PSD2: variants seen among roughly 807,000 people sequenced by gnomAD.
The protein encoded by PSD2 is pleckstrin and Sec7 domain containing 2, also known as PH and SEC7 domain-containing protein 2.
Under a neutral mutation model 69.8 loss-of-function variants are expected in PSD2, and 38 were observed. That is an observed-to-expected ratio of 0.54 (90% CI 0.42 to 0.71). PSD2 has a LOEUF of 0.71. PSD2 is among the 30% of genes least tolerant of loss of function. The pLI, the probability that PSD2 is intolerant of heterozygous loss-of-function variation, is 0.00. For missense variants in PSD2, 943 were observed against 1,014.5 expected (o/e 0.93, Z 0.96); for synonymous variants, 412 against 423.0 (o/e 0.97, Z 0.32).
In PSD2 at chr5:139,842,450, G is replaced by T. The variant is rs1406585243; in HGVS notation, c.2292G>T (p.Lys764Asn). The T allele has an allele frequency of 6.2e-7, 1 of 1,614,136 alleles. No individual in the cohort carries two copies. The highest frequency in any genetic ancestry group is 1.7e-5 in the Admixed American group (1 of 60,036). ...QGHVTGSKTTKDATGPDT is the reference protein window; with the variant it reads ...QGHVTGSKTTNDATGPDT ...ATGTGACTGGCAGCAAAACCACAAA[G>T]GATGCCACTGGGCCTGATACTTAGC... is the stretch of plus-strand genomic sequence containing the variant. Residue 764 changes from lysine to asparagine, a missense_variant, in exon 15 of 15, where the codon AAG (lysine) becomes AAT (asparagine). Transcript: ENST00000274710.
chr5:139,823,972 G>C (rs1215125119), intron 7 of PSD2, among the ~76,000 whole-genome samples: 2 of 152,196 alleles, frequency 1.3e-5, no homozygotes, highest in Admixed American at 6.5e-5. Context: ...GACAGCTTTT[G>C]CCAAGTCCAC....
chr5:139,762,312 G>A, the PSD2 span, among the ~76,000 whole-genome samples: 2 of 151,216 alleles, frequency 1.3e-5, no homozygotes, highest in African/African-American at 4.9e-5. Flanking sequence ...CGAAGTGTTG[G>A]GATTACAGGC....
At chr5:139,771,946 G>A in the PSD2 span, among the ~76,000 whole-genome samples, 1 of 152,166 alleles carries the variant, frequency 6.6e-6, no homozygotes, top group Non-Finnish European at 1.5e-5. Flanking sequence ...CGGTGTTGCG[G>A]GACTGGAGAT....
chr5:139,762,056 T>C, the PSD2 span, among the ~76,000 whole-genome samples: 846 of 152,352 alleles, frequency 5.6e-3, 6 homozygotes, highest in African/African-American at 0.019. Context: ...TATTTATCTT[T>C]TTTTTGAGAC....
chr5:139,788,168 G>GC, the PSD2 span, among the ~76,000 whole-genome samples: 2 of 127,118 alleles, frequency 1.6e-5, no homozygotes, highest in African/African-American at 2.9e-5. Context: ...CGGAGAGCCC[G>GC]CCCCCCCCGC....
intron 8 of PSD2, 26 bp from the exon 9 acceptor site, chr5:139,835,697 C>T (rs1364236172): frequency 2.5e-6 from 4 of 1,612,838 alleles, no homozygotes; most frequent in South Asian, 1.1e-5. Context: ...ACCTGAATTC[C>T]CCCCTCTCTC....
intron 7 of PSD2, among the ~76,000 whole-genome samples, chr5:139,833,282 G>A (rs1170526877): frequency 1.3e-5 from 2 of 151,998 alleles, no homozygotes; most frequent in African/African-American, 4.8e-5. Context: ...TGTGATCGTG[G>A]GCATGTCACT....
the PSD2 span, among the ~76,000 whole-genome samples, chr5:139,781,327 CAT>C: frequency 6.6e-6 from 1 of 151,876 alleles, no homozygotes. Context: ...GCATTCATCA[CAT>C]ATCTCTCTCT....
chr5:139,801,775 C>T (rs901312692), intron 1 of PSD2, among the ~76,000 whole-genome samples: 1 of 152,228 alleles, frequency 6.6e-6, no homozygotes, highest in Admixed American at 6.5e-5. Flanking sequence ...TCAACTTGCC[C>T]TGATCTTCCT....
At chr5:139,769,835 C>A in the PSD2 span, among the ~76,000 whole-genome samples, 2 of 152,214 alleles carry the variant, frequency 1.3e-5, no homozygotes, top group Non-Finnish European at 2.9e-5. Context: ...ATCTGGCTTG[C>A]GGTGAGGGTG....
intron 8 of PSD2, among the ~76,000 whole-genome samples, chr5:139,834,581 G>A (rs549459631): frequency 1.3e-5 from 2 of 151,792 alleles, no homozygotes; most frequent in African/African-American, 4.8e-5. Flanking sequence ...AATTACAGGC[G>A]TAAGCCACCA....
chr5:139,812,994 G>A (rs929761283), intron 2 of PSD2, among the ~76,000 whole-genome samples: 1 of 152,194 alleles, frequency 6.6e-6, no homozygotes, highest in African/African-American at 2.4e-5. Flanking sequence ...GCCTAGGGCA[G>A]CCCCATAGCT....
intron 2 of PSD2, among the ~76,000 whole-genome samples, chr5:139,813,102 AG>A (rs1760013364): frequency 6.6e-6 from 1 of 152,200 alleles, no homozygotes; most frequent in Non-Finnish European, 1.5e-5. Flanking sequence ...CCCCGGCCCC[AG>A]GTCTGCTCTT....
In PSD2 at chr5:139,822,731, A is replaced by T; in HGVS notation, c.1216A>T (p.Ile406Phe). 6.2e-7 allele frequency: 1 copy of T among 1,610,442 alleles called. No homozygotes were observed. Among genetic ancestry groups the T allele is most frequent in the African/African-American group, 1.3e-5 (1 of 74,848 alleles). Residue 406 changes from isoleucine (I) to phenylalanine (F), a missense_variant, in exon 7 of 15, where the codon ATC (isoleucine) becomes TTC (phenylalanine). Physicochemically the swap from Ile to Phe is conservative, Grantham distance 21 (BLOSUM62 0). Transcript: ENST00000274710. ...TGCCACCATCTCTGACTCAGATGGG[A>T]TCCACACGCTCACCTGTGCCCTGAT... Reference protein sequence around the residue: ...NPDDSTSEDGIHTLTCALMLL... With the variant: ...NPDDSTSEDGFHTLTCALMLL...
chr5:139,835,633 C>A, intron 8 of PSD2, 90 bp from the exon 9 acceptor site: 2 of 1,331,182 alleles, frequency 1.5e-6, no homozygotes, highest in Non-Finnish European at 2.2e-6. Context: ...TGAAAAGGTG[C>A]TCCCTCACTG....
intron 7 of PSD2, among the ~76,000 whole-genome samples, chr5:139,825,485 C>T (rs991671625): frequency 6.6e-6 from 1 of 152,114 alleles, no homozygotes. Flanking sequence ...AGAACTGTTT[C>T]CATAGTGGTG....
intron 7 of PSD2, among the ~76,000 whole-genome samples, chr5:139,831,432 TTTCTC>T (rs1212066337): frequency 5.3e-5 from 8 of 152,348 alleles, no homozygotes; most frequent in Admixed American, 5.2e-4. Flanking sequence ...AAGTGACTGT[TTTCTC>T]TTTGACTCCT....
chr5:139,836,564 C>A (rs1487907820), intron 9 of PSD2, among the ~76,000 whole-genome samples: 2 of 152,152 alleles, frequency 1.3e-5, no homozygotes, highest in Non-Finnish European at 2.9e-5. Flanking sequence ...TCAAGGGTGA[C>A]AATTTGGGCT....
intron 14 of PSD2, 62 bp from the exon 15 acceptor site, chr5:139,842,209 A>G (rs1581744623): frequency 7.3e-7 from 1 of 1,373,200 alleles, no homozygotes; most frequent in East Asian, 2.3e-5. Flanking sequence ...TTTGTCATAT[A>G]AGGTGCACAT....
Sources: allele counts gnomAD v4.1 joint callset (sites outside exome capture counted in the v4.1 genomes callset), GRCh38; gene constraint gnomAD v4.1.1; transcripts MANE v1.5; gene names NCBI Gene and HGNC (gene_info 2026-07-23, HGNC 2026-07-21).